The following UBE2F variants were observed in gnomAD, a reference collection of about 807,000 sequenced individuals.
UBE2F encodes ubiquitin conjugating enzyme E2 F (putative).
UBE2F carries 5 observed loss-of-function variants against 29.6 expected under a neutral mutation model. The observed-to-expected ratio is 0.17, with a 90% CI of 0.09 to 0.36. The LOEUF is 0.36. Among genes scored for constraint, UBE2F ranks in the 10% least tolerant of loss-of-function variants. UBE2F has a pLI of 1.00. For synonymous variants in UBE2F, 66 were observed against 81.8 expected, an observed-to-expected ratio of 0.81 and a Z score of 1.04; for missense variants, 141 against 228.5, an observed-to-expected ratio of 0.62 and a Z score of 2.47.
At position 237,967,677 on chromosome 2, in the gene UBE2F, C is replaced by G. The variant is rs2063086423; in HGVS notation, c.-17+545C>G. Reference sequence around the variant, plus strand: ...TGACAACTCGCGCCCGGTCCTCGTACCTGCAGCGGGAAGAGTAAGTATGGA... The same window carrying G: ...TGACAACTCGCGCCCGGTCCTCGTAGCTGCAGCGGGAAGAGTAAGTATGGA... On this transcript the variant is annotated intron_variant, in intron 1 of 9. Coordinates refer to ENST00000272930, the MANE Select transcript of UBE2F (RefSeq NM_080678.3). The surrounding 1 kb of genome is among the most constrained non-coding windows in gnomAD (Gnocchi z 6.3). Among the ~76,000 whole-genome samples the G allele has an allele frequency of 6.6e-6, 1 of 152,164 alleles. No homozygotes were observed. Among genetic ancestry groups the G allele is most frequent in the African/African-American group, 2.4e-5 (1 of 41,442 alleles).
chr2:238,001,111 C>T (rs926649247), intron 4 of UBE2F, among the ~76,000 whole-genome samples: 11 of 149,364 alleles, frequency 7.4e-5, no homozygotes, highest in East Asian at 2.0e-4. Flanking sequence ...CTCGGCTCAC[C>T]GCAACCTCCG....
chr2:237,972,541 ATTTTTTTTTTTT>A (rs57914670), intron 1 of UBE2F, among the ~76,000 whole-genome samples: 3 of 124,252 alleles, frequency 2.4e-5, no homozygotes, highest in East Asian at 4.5e-4. Flanking sequence ...TTAATTTTAA[ATTTTTTTTTTTT>A]TTTTTTTTTT....
At chr2:238,000,701 T>C (rs1405180807) in intron 4 of UBE2F, among the ~76,000 whole-genome samples, 1 of 152,218 alleles carries the variant, frequency 6.6e-6, no homozygotes, top group East Asian at 1.9e-4. Context: ...TACTGGGCCA[T>C]GTGGTAAGAG....
intron 5 of UBE2F, among the ~76,000 whole-genome samples, chr2:238,019,004 C>T (rs992886416): frequency 2.7e-4 from 41 of 152,184 alleles, no homozygotes; most frequent in Non-Finnish European, 5.9e-5. Context: ...TTGAGACTGG[C>T]ACAGAGGTTG....
intron 2 of UBE2F, among the ~76,000 whole-genome samples, chr2:237,976,550 T>C (rs1192870771): frequency 6.6e-6 from 1 of 152,192 alleles, no homozygotes; most frequent in Non-Finnish European, 1.5e-5. Context: ...TGGTATCTGG[T>C]ACAGGTAGTT....
intron 9 of UBE2F, among the ~76,000 whole-genome samples, chr2:238,039,581 A>G (rs1052687285): frequency 6.6e-6 from 1 of 152,250 alleles, no homozygotes; most frequent in Non-Finnish European, 1.5e-5. Context: ...GAAGCTGAGA[A>G]TCACCATGAT....
Position 237,982,261 on chromosome 2 carries a change from T to C in UBE2F, c.119-5702T>C, listed in dbSNP as rs1214175442. ...TTGCTGGCCCCTGAGTGCCTCTTGCTCCCGCACCCCTATCCCCGTAGGAGA... is the reference window on the plus strand; with the variant it reads ...TTGCTGGCCCCTGAGTGCCTCTTGCCCCCGCACCCCTATCCCCGTAGGAGA... On this transcript the variant is annotated intron_variant, in intron 2 of 9. Transcript: ENST00000272930. This position sits in a 1 kb window ranked among gnomAD's most constrained non-coding sequence, Gnocchi z 4.1. 6.6e-6 allele frequency among the ~76,000 whole-genome samples: 1 copy of C among 152,080 alleles called. No homozygotes were observed. The highest frequency in any genetic ancestry group is 1.5e-5 in the Non-Finnish European group (1 of 68,006).
chr2:238,020,911 T>C (rs1292880438), intron 5 of UBE2F, among the ~76,000 whole-genome samples: 1 of 152,120 alleles, frequency 6.6e-6, no homozygotes, highest in Non-Finnish European at 1.5e-5. Flanking sequence ...GACATGACAA[T>C]GAGGAGCCCG....
At chr2:238,039,517 T>C (rs2064794573) in intron 9 of UBE2F, among the ~76,000 whole-genome samples, 1 of 152,232 alleles carries the variant, frequency 6.6e-6, no homozygotes, top group Non-Finnish European at 1.5e-5. Context: ...CAACAGCCCC[T>C]TGGGGCAGAT....
intron 4 of UBE2F, among the ~76,000 whole-genome samples, chr2:238,007,635 G>A (rs1559215979): frequency 6.6e-6 from 1 of 151,754 alleles, no homozygotes; most frequent in Non-Finnish European, 1.5e-5. Context: ...TGATCATAAT[G>A]GTTTTTCTGT....
intron 1 of UBE2F, 61 bp from the exon 2 acceptor site, chr2:237,973,031 C>T: frequency 6.6e-7 from 1 of 1,505,884 alleles, no homozygotes; most frequent in African/African-American, 1.4e-5. Flanking sequence ...ACATTTTTCT[C>T]AGTGTCTAAT....
chr2:238,024,652 T>G (rs2064373863), intron 5 of UBE2F, among the ~76,000 whole-genome samples: 1 of 152,138 alleles, frequency 6.6e-6, no homozygotes, highest in Non-Finnish European at 1.5e-5. Context: ...AATTATATTT[T>G]CTTCTTTTAG....
chr2:238,003,599 T>A (rs1177577231), intron 4 of UBE2F: 2 of 281,744 alleles, frequency 7.1e-6, no homozygotes, highest in Non-Finnish European at 1.5e-5. Context: ...TGGTCTCCAG[T>A]AAAAATGTAT....
intron 5 of UBE2F, among the ~76,000 whole-genome samples, chr2:238,017,164 A>C (rs536149646): frequency 6.6e-6 from 1 of 152,372 alleles, no homozygotes; most frequent in Admixed American, 6.5e-5. Flanking sequence ...TAAAGTGTAG[A>C]AAGTTGATAA....
intron 1 of UBE2F, chr2:237,968,865 G>A: frequency 1.0e-6 from 1 of 984,690 alleles, no homozygotes; most frequent in Non-Finnish European, 1.2e-6. Flanking sequence ...ATCTTCAAGA[G>A]TTGAAGCATA....
At chr2:238,005,654 G>A (rs1260563790) in intron 4 of UBE2F, among the ~76,000 whole-genome samples, 2 of 149,510 alleles carry the variant, frequency 1.3e-5, no homozygotes, top group Non-Finnish European at 3.0e-5. Flanking sequence ...AGCACCATTT[G>A]TTGAACAGGG....
chr2:238,020,431 A>G (rs944879473), intron 5 of UBE2F, among the ~76,000 whole-genome samples: 1 of 152,214 alleles, frequency 6.6e-6, no homozygotes, highest in Non-Finnish European at 1.5e-5. Flanking sequence ...TACAGCAGCC[A>G]GTGCGGAGCC....
intron 4 of UBE2F, among the ~76,000 whole-genome samples, chr2:238,013,825 G>T (rs575761852): frequency 4.7e-4 from 71 of 152,296 alleles, no homozygotes; most frequent in African/African-American, 6.5e-4. Flanking sequence ...CTGGCTGATT[G>T]AGAGCTGAGT....
intron 4 of UBE2F, among the ~76,000 whole-genome samples, chr2:238,015,173 GA>G (rs1373593027): frequency 6.6e-6 from 1 of 152,154 alleles, no homozygotes; most frequent in Non-Finnish European, 1.5e-5. Context: ...TTCTAAGCAT[GA>G]CCCCAAAGAC....
Sources: gnomAD v4.1 joint callset for allele counts (sites outside exome capture counted in the v4.1 genomes callset) on GRCh38, gnomAD v4.1.1 for gene constraint, Gnocchi (gnomAD v3.1) non-coding constraint, MANE v1.5 for transcripts, NCBI Gene and HGNC (gene_info 2026-07-23, HGNC 2026-07-21) for gene names.